Variants in SCUBE1 observed in about 807,000 individuals in gnomAD.
SCUBE1 encodes the protein signal peptide, CUB and EGF-like domain-containing protein 1.
In SCUBE1, 59 loss-of-function variants were observed where a neutral mutation model predicts 124.4. The ratio of observed to expected loss-of-function variants is 0.47; its 90% confidence interval spans 0.38 to 0.59. The LOEUF (loss-of-function observed/expected upper bound fraction) is 0.59. SCUBE1 is among the 20% of genes least tolerant of loss of function. The pLI is 0.00. For missense variants in SCUBE1, 1,150 were observed against 1,371.2 expected (o/e 0.84, Z 2.55); for synonymous variants, 545 against 550.9 (o/e 0.99, Z 0.15).
chr22:43,229,135 G>A lies in SCUBE1; in HGVS notation c.1021C>T (p.Pro341Ser). The A allele has an allele frequency of 6.2e-7, 1 of 1,614,104 alleles. No individual in the cohort carries two copies. Among genetic ancestry groups the A allele is most frequent in the Non-Finnish European group, 8.5e-7 (1 of 1,180,042 alleles). Reference sequence around the variant, plus strand: ...TGACACAGGCACTGGAAGCTGCCCGGGGAGTTGATGCAGATGTGGTCACAG... The same window carrying A: ...TGACACAGGCACTGGAAGCTGCCCGAGGAGTTGATGCAGATGTGGTCACAG... ...RTCDHICINS[P>S]GSFQCLCHRG... The change falls in exon 9 of 22, where the codon CCG becomes TCG. Residue 341 changes from proline (P) to serine (S), a missense_variant. Physicochemically the swap from Pro to Ser is moderately conservative, Grantham distance 74. Around this residue, in one of 3 missense-constraint regions of SCUBE1, gnomAD observed 337 missense variants for 482.1 expected, o/e 0.70. Coordinates refer to ENST00000360835, the MANE Select transcript of SCUBE1 (RefSeq NM_173050.5).
intron 2 of SCUBE1, among the ~76,000 whole-genome samples, chr22:43,331,085 G>C (rs944615549): frequency 1.3e-5 from 2 of 152,114 alleles, no homozygotes; most frequent in Non-Finnish European, 2.9e-5. Flanking sequence ...TCCTAAGAAG[G>C]CCAAATTGGT....
chr22:43,243,096 C>A (rs566607085), intron 6 of SCUBE1, among the ~76,000 whole-genome samples: 14 of 152,228 alleles, frequency 9.2e-5, no homozygotes, highest in Admixed American at 2.0e-4. Flanking sequence ...CCTGGGCCAC[C>A]GCACACGCCA....
intron 4 of SCUBE1, among the ~76,000 whole-genome samples, chr22:43,280,257 C>T (rs960920398): frequency 3.5e-4 from 53 of 152,088 alleles, no homozygotes; most frequent in African/African-American, 1.3e-3. Context: ...CCCACCTTGT[C>T]CAGAGCCACC....
intron 4 of SCUBE1, among the ~76,000 whole-genome samples, chr22:43,284,818 C>G (rs901597430): frequency 2.0e-5 from 3 of 152,124 alleles, no homozygotes; most frequent in Admixed American, 6.5e-5. Context: ...GGGACTGATT[C>G]CTGATGCCAA....
intron 10 of SCUBE1, among the ~76,000 whole-genome samples, chr22:43,225,910 G>A (rs945550281): frequency 3.9e-5 from 6 of 151,988 alleles, no homozygotes; most frequent in Admixed American, 1.3e-4. Context: ...TGCTGCCTCC[G>A]CCACCCGTAC....
At chr22:43,233,155 G>A (rs562981442) in intron 7 of SCUBE1, among the ~76,000 whole-genome samples, 4 of 152,234 alleles carry the variant, frequency 2.6e-5, no homozygotes, top group East Asian at 1.9e-4. Flanking sequence ...ACCTGAGGTC[G>A]GGAGTTCCAG....
chr22:43,288,865 C>T (rs933137685), intron 4 of SCUBE1, among the ~76,000 whole-genome samples: 2 of 152,208 alleles, frequency 1.3e-5, no homozygotes, highest in Admixed American at 6.5e-5. Context: ...TCAGAGTAAG[C>T]GTGTGGCCCC....
chr22:43,214,060 C>T (rs778116101), intron 16 of SCUBE1, 30 bp downstream of exon 16: 3 of 540,036 alleles, frequency 5.6e-6, no homozygotes, highest in East Asian at 5.7e-5. Flanking sequence ...CACCCCCCAC[C>T]CCCACCTCTC....
chr22:43,276,813 G>C (rs1348167171), intron 4 of SCUBE1, among the ~76,000 whole-genome samples: 2 of 152,324 alleles, frequency 1.3e-5, no homozygotes, highest in African/African-American at 2.4e-5. Context: ...CAGGACACAT[G>C]GTGTTTCCAG....
chr22:43,265,647 G>A (rs1294013841), intron 4 of SCUBE1, among the ~76,000 whole-genome samples: 1 of 152,236 alleles, frequency 6.6e-6, no homozygotes, highest in African/African-American at 2.4e-5. Context: ...GATTGTTAGT[G>A]GGACTGGCTT....
chr22:43,268,435 G>A (rs774051136), intron 4 of SCUBE1, among the ~76,000 whole-genome samples: 1 of 152,232 alleles, frequency 6.6e-6, no homozygotes, highest in South Asian at 2.1e-4. Context: ...CCTGATGCCC[G>A]TCAGGCCAGG....
intron 4 of SCUBE1, among the ~76,000 whole-genome samples, chr22:43,274,282 A>C (rs2146725419): frequency 6.6e-6 from 1 of 152,322 alleles, no homozygotes; most frequent in Middle Eastern, 3.4e-3. Flanking sequence ...TTTCAGGTGG[A>C]CAATCAATAC....
intron 2 of SCUBE1, among the ~76,000 whole-genome samples, chr22:43,329,936 C>T (rs904323848): frequency 6.6e-6 from 1 of 152,004 alleles, no homozygotes; most frequent in African/African-American, 2.4e-5. Flanking sequence ...TAAGAAGCGG[C>T]TAAGAGGAGG....
At chr22:43,314,068 C>T (rs1362973435) in intron 3 of SCUBE1, among the ~76,000 whole-genome samples, 1 of 152,086 alleles carries the variant, frequency 6.6e-6, no homozygotes, top group Non-Finnish European at 1.5e-5. Flanking sequence ...TCCTGATGGG[C>T]GATGGGCTGT....
chr22:43,312,628 A>C (rs1926210535), intron 3 of SCUBE1, among the ~76,000 whole-genome samples: 4 of 152,192 alleles, frequency 2.6e-5, no homozygotes, highest in Non-Finnish European at 5.9e-5. Flanking sequence ...CTCAAGGATG[A>C]TGTGAGGTGC....
chr22:43,217,777 G>A (rs1472708232), intron 15 of SCUBE1, among the ~76,000 whole-genome samples: 4 of 152,072 alleles, frequency 2.6e-5, no homozygotes, highest in Admixed American at 2.6e-4. Flanking sequence ...CGCCCGCTGG[G>A]GGCCGGCCTC....
chr22:43,262,740 T>G lies in SCUBE1; in HGVS notation c.590A>C (p.Gln197Pro). The G allele has an allele frequency of 6.2e-7, 1 of 1,614,102 alleles. No individual in the cohort carries two copies. Among genetic ancestry groups the G allele is most frequent in the Non-Finnish European group, 8.5e-7 (1 of 1,179,980 alleles). The change falls in exon 5 of 22, where the codon CAA becomes CCA. Residue 197 changes from glutamine (Q) to proline (P), a missense_variant. Around this residue, in one of 3 missense-constraint regions of SCUBE1, gnomAD observed 337 missense variants for 482.1 expected, o/e 0.70. Coordinates refer to ENST00000360835, the MANE Select transcript of SCUBE1 (RefSeq NM_173050.5). ...CDCRPGFDLA[Q>P]NQKDCTLTCN... ...CCTACGTGTGCAGTCCTTCTGGTTT[T>G]GGGCAAGGTCAAAGCCGGGCCTGCA... is the stretch of plus-strand genomic sequence containing the variant.
chr22:43,303,906 C>T (rs1033462086), intron 3 of SCUBE1, among the ~76,000 whole-genome samples: 3 of 152,202 alleles, frequency 2.0e-5, no homozygotes, highest in Middle Eastern at 3.2e-3. Flanking sequence ...ACAGCCACGG[C>T]GAGCTGAGCT....
chr22:43,268,797 G>C (rs558621140), intron 4 of SCUBE1, among the ~76,000 whole-genome samples: 1 of 152,348 alleles, frequency 6.6e-6, no homozygotes, highest in East Asian at 1.9e-4. Flanking sequence ...GAAGCCAGAG[G>C]GGAGTTGTCA....
Sources: gnomAD v4.1 joint callset for allele counts (sites outside exome capture counted in the v4.1 genomes callset) on GRCh38, gnomAD v4.1.1 for gene constraint, gnomAD v4.1.1 regional missense constraint, MANE v1.5 for transcripts, NCBI Gene and HGNC (gene_info 2026-07-23, HGNC 2026-07-21) for gene names.